The following PDE4D variants were observed in gnomAD, a reference collection of about 807,000 sequenced individuals.
PDE4D encodes 3',5'-cyclic-AMP phosphodiesterase 4D.
In PDE4D, 24 loss-of-function variants were observed where a neutral mutation model predicts 87.4. The ratio of observed to expected loss-of-function variants is 0.27; its 90% CI spans 0.20 to 0.39. The LOEUF is 0.39. Among genes scored for constraint, PDE4D ranks in the 10% least tolerant of loss-of-function variants. PDE4D has a pLI of 1.00. For synonymous variants in PDE4D, 384 were observed against 383.2 expected, an observed-to-expected ratio of 1.00 and a Z score of -0.02; for missense variants, 714 against 1,041.0, an observed-to-expected ratio of 0.69 and a Z score of 4.32.
intron 1 of PDE4D, among the ~76,000 whole-genome samples, chr5:59,488,405 A>T (rs1805555644): frequency 6.6e-6 from 1 of 152,194 alleles, no homozygotes. Flanking sequence ...CAGCTATTTA[A>T]TCTATCAGAA....
Position 59,743,267 on chromosome 5 carries a change from C to T in PDE4D, c.455+149901G>A, listed in dbSNP as rs1017648437. On this transcript the variant is annotated intron_variant, in intron 1 of 14. Transcript: ENST00000340635. ...ATTTAAGAAGCTTAAAATGGAGTCACATTTCTAAACATGACATAAAAGCAC... is the reference window on the plus strand; with the variant it reads ...ATTTAAGAAGCTTAAAATGGAGTCATATTTCTAAACATGACATAAAAGCAC... Among the ~76,000 whole-genome samples, 4 of 152,116 alleles carry T rather than the reference C, an allele frequency of 2.6e-5. No homozygotes were observed. In the East Asian group the frequency reaches 5.8e-4, roughly 22 times the overall value.
intron 1 of PDE4D, among the ~76,000 whole-genome samples, chr5:59,486,526 C>T (rs1300752436): frequency 6.6e-6 from 1 of 152,078 alleles, no homozygotes; most frequent in Non-Finnish European, 1.5e-5. Flanking sequence ...TCCCATGTGC[C>T]CTATTGCATG....
chr5:60,492,266 A>G (rs1045558427), upstream of PDE4D, among the ~76,000 whole-genome samples: 3 of 152,040 alleles, frequency 2.0e-5, no homozygotes. Flanking sequence ...CCATCTCTGC[A>G]AAAAAGAGAA....
At chr5:60,519,567 C>T (rs1212106694) in intron 1 of PDE4D, among the ~76,000 whole-genome samples, 1 of 152,124 alleles carries the variant, frequency 6.6e-6, no homozygotes, top group East Asian at 1.9e-4. Flanking sequence ...CAATTATTTT[C>T]ATAGTGTACA....
intron 2 of PDE4D, among the ~76,000 whole-genome samples, chr5:60,093,044 A>T (rs532668594): frequency 6.6e-6 from 1 of 152,338 alleles, no homozygotes; most frequent in African/African-American, 2.4e-5. Flanking sequence ...TATCTGATAG[A>T]TTGAATGTGT....
rs562629304 is a variant in PDE4D, at chr5:59,445,155, G to A, written c.456-229187C>T. 2.6e-5 allele frequency among the ~76,000 whole-genome samples: 4 copies of A among 152,038 alleles called. No individual in the cohort carries two copies. In the South Asian group the frequency reaches 8.3e-4, roughly 32 times the overall value. On this transcript the variant is annotated intron_variant, in intron 1 of 14. Transcript: ENST00000340635. Reference sequence around the variant, plus strand: ...GAAGCACTAAACCTGAATTCCAATCGATCTGGAATTACCTCATTTGTTATG... The same window carrying A: ...GAAGCACTAAACCTGAATTCCAATCAATCTGGAATTACCTCATTTGTTATG...
intron 1 of PDE4D, among the ~76,000 whole-genome samples, chr5:60,431,800 C>T (rs1294717032): frequency 1.3e-5 from 2 of 152,234 alleles, no homozygotes; most frequent in African/African-American, 4.8e-5. Context: ...ACTGAGTGAA[C>T]CAGACTCCAT....
chr5:59,434,534 C>A (rs1796535544), intron 1 of PDE4D, among the ~76,000 whole-genome samples: 2 of 152,104 alleles, frequency 1.3e-5, no homozygotes, highest in South Asian at 4.1e-4. Context: ...CTGGTCAATG[C>A]ATCCAATGAA....
intron 2 of PDE4D, among the ~76,000 whole-genome samples, chr5:60,016,077 A>G (rs1765491012): frequency 6.6e-6 from 1 of 151,822 alleles, no homozygotes; most frequent in East Asian, 1.9e-4. Context: ...ACATACATAT[A>G]TATACACATA....
chr5:59,551,221 TTTTTA>T, intron 1 of PDE4D, among the ~76,000 whole-genome samples: 1 of 151,468 alleles, frequency 6.6e-6, no homozygotes, highest in South Asian at 2.1e-4. Flanking sequence ...TAAATACTCA[TTTTTA>T]TTTTATTTTA....
chr5:60,291,079 A>C (rs1192428453), intron 1 of PDE4D, among the ~76,000 whole-genome samples: 2 of 152,218 alleles, frequency 1.3e-5, no homozygotes, highest in Admixed American at 1.3e-4. Context: ...TTTCCTGTTT[A>C]TCCAAAGAGC....
intron 1 of PDE4D, among the ~76,000 whole-genome samples, chr5:59,556,896 A>G (rs999889640): frequency 6.6e-6 from 1 of 152,232 alleles, no homozygotes; most frequent in Non-Finnish European, 1.5e-5. Flanking sequence ...AAAGGAAGAA[A>G]GGGAGGGTGG....
At chr5:60,305,192 A>T (rs1172981790) in intron 1 of PDE4D, among the ~76,000 whole-genome samples, 2 of 152,092 alleles carry the variant, frequency 1.3e-5, no homozygotes, top group Non-Finnish European at 1.5e-5. Context: ...ATAAAGAACC[A>T]ATAAATTGGC....
At chr5:59,419,902 A>G (rs1794205581) in intron 1 of PDE4D, among the ~76,000 whole-genome samples, 1 of 152,122 alleles carries the variant, frequency 6.6e-6, no homozygotes. Context: ...TGTAAGGCAA[A>G]ATGTTCACAC....
chr5:59,047,640 A>T (rs547602388), intron 5 of PDE4D, among the ~76,000 whole-genome samples: 2 of 152,368 alleles, frequency 1.3e-5, no homozygotes, highest in African/African-American at 4.8e-5. Context: ...GCAGAAAGTT[A>T]GGAGGAAAAA....
intron 2 of PDE4D, among the ~76,000 whole-genome samples, chr5:60,138,293 T>C (rs1780221808): frequency 6.6e-6 from 1 of 152,106 alleles, no homozygotes; most frequent in Non-Finnish European, 1.5e-5. Context: ...TTGATCAGCA[T>C]CACTCTGTTT....
chr5:60,419,072 G>A lies in PDE4D; in HGVS notation c.-90+68870C>T, dbSNP rs781104309. Among the ~76,000 whole-genome samples the A allele has an allele frequency of 3.4e-4, 52 of 152,198 alleles. 1 individual carries two copies. Among genetic ancestry groups the A allele is most frequent in the South Asian group, 2.5e-3 (12 of 4,816 alleles). On this transcript the variant is annotated intron_variant, in intron 1 of 16. Transcript: ENST00000502484. ...ACAGCCACTAACACAGCTGCTGGAG[G>A]GAAATTTGGCAACATTTAACTAAGT...
chr5:59,078,726 G>A (rs1407096485), intron 5 of PDE4D, among the ~76,000 whole-genome samples: 1 of 152,042 alleles, frequency 6.6e-6, no homozygotes, highest in Non-Finnish European at 1.5e-5. Flanking sequence ...GCTCAGGCAG[G>A]TTGGTCTCGA....
chr5:59,390,880 G>A (rs918949527), intron 1 of PDE4D, among the ~76,000 whole-genome samples: 2 of 152,018 alleles, frequency 1.3e-5, no homozygotes, highest in Non-Finnish European at 2.9e-5. Context: ...AGGAAGAAAA[G>A]GTAACTAATA....
Sources: allele counts gnomAD v4.1 joint callset (sites outside exome capture counted in the v4.1 genomes callset), GRCh38; gene constraint gnomAD v4.1.1; transcripts MANE v1.5; gene names NCBI Gene and HGNC (gene_info 2026-07-23, HGNC 2026-07-21).